Variants in SCHIP1 observed in about 807,000 individuals in gnomAD.
The protein encoded by SCHIP1 is schwannomin interacting protein 1.
In SCHIP1, 8 loss-of-function variants were observed where a neutral mutation model predicts 29.7. The observed-to-expected ratio is 0.27, with a 90% CI of 0.16 to 0.49. The LOEUF is 0.49. SCHIP1 is among the 20% of genes least tolerant of loss of function. The pLI is 0.99. For synonymous variants in SCHIP1, 76 were observed against 94.9 expected, an observed-to-expected ratio of 0.80 and a Z score of 1.16; for missense variants, 193 against 294.6, an observed-to-expected ratio of 0.66 and a Z score of 2.52.
At chr3:159,843,524 A>C (rs1744472460) in intron 1 of SCHIP1, among the ~76,000 whole-genome samples, 1 of 152,088 alleles carries the variant, frequency 6.6e-6, no homozygotes. Flanking sequence ...TTGACTAACA[A>C]AAAAGGCATT....
chr3:159,804,000 C>G, the SCHIP1 span, among the ~76,000 whole-genome samples: 2 of 152,126 alleles, frequency 1.3e-5, no homozygotes, highest in Admixed American at 1.3e-4. Flanking sequence ...AAATCCATAC[C>G]CTGCATCACG....
the SCHIP1 span, among the ~76,000 whole-genome samples, chr3:159,380,483 T>C: frequency 6.6e-6 from 1 of 152,216 alleles, no homozygotes; most frequent in Non-Finnish European, 1.5e-5. Context: ...AAAAATAAGA[T>C]TAATTCTGCT....
the SCHIP1 span, among the ~76,000 whole-genome samples, chr3:159,468,845 C>T: frequency 6.7e-6 from 1 of 149,654 alleles, no homozygotes; most frequent in Non-Finnish European, 1.5e-5. Flanking sequence ...CAGCTCACTG[C>T]AAGCTCTGCC....
At chr3:159,278,249 C>G in the SCHIP1 span, among the ~76,000 whole-genome samples, 1 of 152,092 alleles carries the variant, frequency 6.6e-6, no homozygotes. Flanking sequence ...CTTGAGAAAC[C>G]ACCCACTTGA....
At chr3:159,487,455 T>C in the SCHIP1 span, among the ~76,000 whole-genome samples, 1 of 152,050 alleles carries the variant, frequency 6.6e-6, no homozygotes, top group African/African-American at 2.4e-5. Flanking sequence ...CTGCCAGGCA[T>C]AGCACAGCAG....
the SCHIP1 span, among the ~76,000 whole-genome samples, chr3:159,383,478 G>T: frequency 6.6e-6 from 1 of 151,672 alleles, no homozygotes; most frequent in Non-Finnish European, 1.5e-5. Context: ...TCTCTCTTTT[G>T]GTACCAGTAC....
the SCHIP1 span, among the ~76,000 whole-genome samples, chr3:159,811,081 G>A: frequency 1.3e-5 from 2 of 152,044 alleles, no homozygotes; most frequent in Non-Finnish European, 1.5e-5. Flanking sequence ...CTTTTCAAAT[G>A]CTTATTAGCC....
chr3:159,788,892 A>G, the SCHIP1 span, among the ~76,000 whole-genome samples: 18 of 152,292 alleles, frequency 1.2e-4, no homozygotes, highest in Admixed American at 4.6e-4. Context: ...AAAAAATCTG[A>G]AATCTAAAAT....
chr3:159,762,872 T>C, the SCHIP1 span, among the ~76,000 whole-genome samples: 1 of 152,360 alleles, frequency 6.6e-6, no homozygotes, highest in African/African-American at 2.4e-5. Context: ...AGGCAGCGGA[T>C]GTGCCAAGGG....
the SCHIP1 span, among the ~76,000 whole-genome samples, chr3:159,571,524 G>A: frequency 3.3e-5 from 5 of 152,088 alleles, no homozygotes; most frequent in Non-Finnish European, 1.5e-5. Flanking sequence ...TGCTGGATTC[G>A]GTTTGCCAGT....
intron 2 of SCHIP1, among the ~76,000 whole-genome samples, chr3:159,882,409 G>A (rs1377852766): frequency 5.9e-5 from 9 of 152,156 alleles, no homozygotes; most frequent in Admixed American, 3.9e-4. Context: ...AGCAGGTGCT[G>A]GGAGATTCCC....
chr3:159,415,130 C>CA, the SCHIP1 span, among the ~76,000 whole-genome samples: 1 of 152,148 alleles, frequency 6.6e-6, no homozygotes, highest in African/African-American at 2.4e-5. Flanking sequence ...GATTTGGCAC[C>CA]AGCATGTTCA....
At chr3:159,306,591 GA>G in the SCHIP1 span, 24 of 922,254 alleles carry the variant, frequency 2.6e-5, no homozygotes, top group Middle Eastern at 5.7e-4. Flanking sequence ...TTTCCTTTAT[GA>G]AAAAAATATA....
the SCHIP1 span, among the ~76,000 whole-genome samples, chr3:159,533,664 G>A: frequency 6.6e-6 from 1 of 152,094 alleles, no homozygotes; most frequent in Non-Finnish European, 1.5e-5. Context: ...TTAATACAGA[G>A]GCAGTGAGTG....
At chr3:159,289,854 C>T in the SCHIP1 span, among the ~76,000 whole-genome samples, 1 of 152,194 alleles carries the variant, frequency 6.6e-6, no homozygotes, top group East Asian at 1.9e-4. Flanking sequence ...CACATTTCAA[C>T]GTTCTTACAA....
At chr3:159,888,470 A>T (rs1296009616) in intron 4 of SCHIP1, 4 of 212,656 alleles carry the variant, frequency 1.9e-5, no homozygotes, top group Middle Eastern at 1.7e-3. Flanking sequence ...TGCTTGTAGC[A>T]TGGTATAAAT....
the SCHIP1 span, among the ~76,000 whole-genome samples, chr3:159,741,450 T>C: frequency 1.3e-5 from 2 of 152,250 alleles, no homozygotes; most frequent in African/African-American, 2.4e-5. Flanking sequence ...GAATGTCTTA[T>C]ATTTATAAAG....
chr3:159,832,597 A>T, the SCHIP1 span, among the ~76,000 whole-genome samples: 1 of 152,176 alleles, frequency 6.6e-6, no homozygotes, highest in Admixed American at 6.5e-5. Context: ...TTCCCTTGGC[A>T]TAACTCGTGA....
chr3:159,369,164 C>T, the SCHIP1 span, among the ~76,000 whole-genome samples: 3 of 152,136 alleles, frequency 2.0e-5, no homozygotes, highest in Non-Finnish European at 4.4e-5. Flanking sequence ...ATATCAATGA[C>T]AATTTTCAGT....
Sources: allele counts gnomAD v4.1 joint callset (sites outside exome capture counted in the v4.1 genomes callset), GRCh38; gene constraint gnomAD v4.1.1; transcripts MANE v1.5; gene names NCBI Gene and HGNC (gene_info 2026-07-23, HGNC 2026-07-21).